The following CRISPLD1 variants were observed in gnomAD, a reference collection of about 807,000 sequenced individuals.
CRISPLD1 encodes cysteine-rich secretory protein LCCL domain-containing 1.
CRISPLD1 carries 60 observed loss-of-function variants against 77.5 expected under a neutral mutation model. The ratio of observed to expected loss-of-function variants is 0.77; its 90% CI spans 0.63 to 0.96. The LOEUF is 0.96. Among genes scored for constraint, CRISPLD1 ranks in the 40% least tolerant of loss-of-function variants. The probability of loss-of-function intolerance (pLI) is 0.00; values close to 1 mark genes in which losing one functional copy is unlikely to be tolerated. For missense variants in CRISPLD1, 623 were observed against 615.8 expected, an observed-to-expected ratio of 1.01 and a Z score of -0.12; for synonymous variants, 195 against 200.1, an observed-to-expected ratio of 0.97 and a Z score of 0.22.
intron 2 of CRISPLD1, among the ~76,000 whole-genome samples, chr8:74,989,457 TAGTC>T (rs770990787): frequency 6.6e-5 from 10 of 152,186 alleles, no homozygotes; most frequent in Non-Finnish European, 1.2e-4. Flanking sequence ...TGAACCCTGA[TAGTC>T]AGCAACCATT....
At chr8:75,018,614 G>A (rs1036822984) in intron 10 of CRISPLD1, among the ~76,000 whole-genome samples, 2 of 151,318 alleles carry the variant, frequency 1.3e-5, no homozygotes, top group African/African-American at 4.9e-5. Flanking sequence ...TAAAAGGCTT[G>A]AAGGGTGGTT....
intron 2 of CRISPLD1, among the ~76,000 whole-genome samples, chr8:75,005,952 G>A (rs1420478347): frequency 6.6e-6 from 1 of 152,088 alleles, no homozygotes; most frequent in Non-Finnish European, 1.5e-5. Flanking sequence ...GGGTACAGGT[G>A]CAGGTTTGTT....
rs1306403754 is a variant in CRISPLD1 at position 75,032,275 on chromosome 8, A to G, written c.*33A>G. 3.3e-6 allele frequency: 5 copies of G among 1,512,550 alleles called. No individual in the cohort carries two copies. The highest frequency in any genetic ancestry group is 3.6e-6 in the Non-Finnish European group (4 of 1,095,892). The allele number at this position is 1,512,550 out of a possible 1,614,324, so 93.7% of individuals were successfully genotyped here. On this transcript the variant is annotated 3_prime_UTR_variant, in exon 15 of 15. Coordinates refer to ENST00000262207, the MANE Select transcript of CRISPLD1 (RefSeq NM_031461.6). ...TACTTGGAAGAGGACCATAAAGACT[A>G]TTCCAAATGCAATATTTCTGAATTT...
chr8:75,027,185 ATTCAT>A (rs1813249179), intron 13 of CRISPLD1, among the ~76,000 whole-genome samples: 2 of 152,162 alleles, frequency 1.3e-5, no homozygotes, highest in Admixed American at 1.3e-4. Flanking sequence ...CAGCTGGGTT[ATTCAT>A]TCATCATTTT....
intron 12 of CRISPLD1, among the ~76,000 whole-genome samples, chr8:75,021,874 T>C (rs1413355011): frequency 6.6e-6 from 1 of 152,138 alleles, no homozygotes; most frequent in East Asian, 1.9e-4. Context: ...ACCTACTAAG[T>C]ACGAATATTA....
rs747668381 is a variant in CRISPLD1 at position 75,029,505 on chromosome 8, T to A, written c.1439T>A (p.Ile480Asn). 6.2e-7 allele frequency: 1 copy of A among 1,613,656 alleles called. No homozygotes were observed. Among genetic ancestry groups the A allele is most frequent in the Non-Finnish European group, 8.5e-7 (1 of 1,179,652 alleles). The part of the protein sequence containing the change: ...KTYIASFQNG[I>N]FSESLQNPPG... ...TACATTGCTTCTTTTCAGAATGGAA[T>A]CTTCTCAGAAAGGTAAAAACAAAAC... The change falls in exon 14 of 15, where the codon ATC (isoleucine) becomes AAC (asparagine). Residue 480 changes from isoleucine (I) to asparagine (N), a missense_variant. Ile to Asn is a moderately radical substitution (Grantham distance 149, BLOSUM62 -3). Coordinates refer to ENST00000262207, the MANE Select transcript of CRISPLD1 (RefSeq NM_031461.6).
chr8:74,996,062 G>A (rs988143850), intron 2 of CRISPLD1, among the ~76,000 whole-genome samples: 8 of 148,726 alleles, frequency 5.4e-5, no homozygotes, highest in South Asian at 2.1e-4. Flanking sequence ...ATATAAATAC[G>A]CATGTGTTTT....
chr8:75,005,024 G>A (rs935613967), intron 2 of CRISPLD1, among the ~76,000 whole-genome samples: 2 of 152,078 alleles, frequency 1.3e-5, no homozygotes, highest in Admixed American at 6.6e-5. Context: ...AAAATACTTC[G>A]AAGAAATTGA....
rs201895976 is a variant in CRISPLD1, at chr8:75,033,823, AAAC to A, written c.*1584_*1586del. 1.1e-4 allele frequency: 16 copies of A among 148,174 alleles called. No homozygotes were observed. Among genetic ancestry groups the A allele is most frequent in the Admixed American group, 3.3e-4 (5 of 15,028 alleles). The allele number at this position is 148,174 out of a possible 1,614,324, so 9.2% of individuals were successfully genotyped here. ...AAGTGGTTCCAAATACTGGTAATTAAAACAATGATGTATACGTTAAAGATTGCA... is the reference window on the plus strand; with the variant it reads ...AAGTGGTTCCAAATACTGGTAATTAAAATGATGTATACGTTAAAGATTGCA... On this transcript the variant is annotated 3_prime_UTR_variant, in exon 15 of 15. Transcript: ENST00000262207.
intron 2 of CRISPLD1, among the ~76,000 whole-genome samples, chr8:74,989,368 T>C (rs1812539964): frequency 6.6e-6 from 1 of 152,136 alleles, no homozygotes; most frequent in Admixed American, 6.5e-5. Flanking sequence ...GAAGTGGTAG[T>C]AGATTTTGGA....
chr8:75,017,865 A>G (rs920200394), intron 10 of CRISPLD1, among the ~76,000 whole-genome samples: 1 of 152,192 alleles, frequency 6.6e-6, no homozygotes. Context: ...AGAAAAGAGC[A>G]TTTTGAAAAG....
intron 2 of CRISPLD1, among the ~76,000 whole-genome samples, chr8:75,010,166 G>A (rs963279644): frequency 6.6e-6 from 1 of 151,986 alleles, no homozygotes; most frequent in Non-Finnish European, 1.5e-5. Flanking sequence ...CACTAATGAT[G>A]ATAATAAACT....
chr8:74,999,047 G>A (rs781411855), intron 2 of CRISPLD1, among the ~76,000 whole-genome samples: 2 of 152,102 alleles, frequency 1.3e-5, no homozygotes, highest in Non-Finnish European at 2.9e-5. Context: ...TGGTTGTACA[G>A]GAATCTAAAT....
Position 75,029,400 on chromosome 8 carries a change from G to C in CRISPLD1, c.1334G>C (p.Cys445Ser), listed in dbSNP as rs1587032920. ...TRVYSDLSSI[C>S]RAAVHAGVVR... ...TTACCTTCTCAGCTGTCCAGTATCTGCAGAGCAGCAGTACATGCTGGAGTG... is the reference window on the plus strand; with the variant it reads ...TTACCTTCTCAGCTGTCCAGTATCTCCAGAGCAGCAGTACATGCTGGAGTG... The change falls in exon 14 of 15, where the codon TGC becomes TCC. Residue 445 changes from cysteine (C) to serine (S), a missense_variant. Transcript: ENST00000262207. 2.5e-6 allele frequency: 4 copies of C among 1,612,998 alleles called. No individual in the cohort carries two copies. The highest frequency in any genetic ancestry group is 1.7e-5 in the Admixed American group (1 of 59,804).
rs1813406057 is a variant in CRISPLD1, at chr8:75,034,193, T to TA, written c.*1953dup. ...AACCAAACATTCTTGTAAAAACATT[T>TA]AAGAACTTCCATAGTCTTGTTCATA... On this transcript the variant is annotated 3_prime_UTR_variant, in exon 15 of 15. Coordinates refer to ENST00000262207, the MANE Select transcript of CRISPLD1 (RefSeq NM_031461.6). The TA allele has an allele frequency of 6.6e-6, 1 of 152,096 alleles. No homozygotes were observed. The allele number at this position is 152,096 out of a possible 1,614,324, so 9.4% of individuals were successfully genotyped here.
Position 75,012,430 on chromosome 8 carries a change from T to C in CRISPLD1, c.259-3T>C. 1 of 1,596,160 alleles carries C rather than the reference T, an allele frequency of 6.3e-7. No homozygotes were observed. Among genetic ancestry groups the C allele is most frequent in the Non-Finnish European group, 8.6e-7 (1 of 1,163,962 alleles). ...CACATTTTGCTTTTGTTTTAAACTG[T>C]AGACATGGGATGTAGAGCTGGAAAG... On this transcript the variant is annotated splice_region_variant and splice_polypyrimidine_tract_variant and intron_variant, in intron 2 of 14. Transcript: ENST00000262207.
At chr8:75,009,667 G>A (rs1369277777) in intron 2 of CRISPLD1, among the ~76,000 whole-genome samples, 1 of 151,712 alleles carries the variant, frequency 6.6e-6, no homozygotes, top group East Asian at 1.9e-4. Flanking sequence ...TTCCTGGATT[G>A]CAGACAATGA....
intron 2 of CRISPLD1, among the ~76,000 whole-genome samples, chr8:74,995,408 G>A (rs775729946): frequency 2.6e-5 from 4 of 152,196 alleles, no homozygotes; most frequent in Non-Finnish European, 5.9e-5. Flanking sequence ...ACTGGTTCAA[G>A]AATGGGATCA....
At chr8:75,002,708 C>T (rs1812766271) in intron 2 of CRISPLD1, among the ~76,000 whole-genome samples, 3 of 151,890 alleles carry the variant, frequency 2.0e-5, no homozygotes, top group African/African-American at 7.3e-5. Context: ...AATTCACCTC[C>T]CACCCTCGGA....
Sources: gnomAD v4.1 joint callset for allele counts (sites outside exome capture counted in the v4.1 genomes callset) on GRCh38, gnomAD v4.1.1 for gene constraint, MANE v1.5 for transcripts, NCBI Gene and HGNC (gene_info 2026-07-23, HGNC 2026-07-21) for gene names.